Variants in RTN1 observed in about 807,000 individuals in gnomAD.
The protein encoded by RTN1 is reticulon 1, also known as reticulon-1.
RTN1 carries 25 observed loss-of-function variants against 65.5 expected under a neutral mutation model. That is an observed-to-expected ratio of 0.38 (90% CI 0.28 to 0.53). The LOEUF (loss-of-function observed/expected upper bound fraction) is 0.53, where lower values mean the gene tolerates loss of function less well. RTN1 is among the 20% of genes least tolerant of loss of function. The pLI, the probability that RTN1 is intolerant of heterozygous loss-of-function variation, is 0.79. For missense variants in RTN1, 983 were observed against 1,025.4 expected, an observed-to-expected ratio of 0.96 and a Z score of 0.57; for synonymous variants, 471 against 447.6, an observed-to-expected ratio of 1.05 and a Z score of -0.66.
chr14:59,821,938 T>C (rs1351926107), intron 1 of RTN1, among the ~76,000 whole-genome samples: 2 of 152,162 alleles, frequency 1.3e-5, no homozygotes, highest in African/African-American at 4.8e-5. Flanking sequence ...AGGATTTTTG[T>C]GTCTATGTTC....
At chr14:59,679,148 A>G (rs1883691131) in intron 3 of RTN1, among the ~76,000 whole-genome samples, 1 of 152,188 alleles carries the variant, frequency 6.6e-6, no homozygotes, top group South Asian at 2.1e-4. Flanking sequence ...CTAACTTGAC[A>G]TTTTGTATTG....
At chr14:59,835,557 T>G (rs1046668169) in intron 1 of RTN1, among the ~76,000 whole-genome samples, 1 of 152,208 alleles carries the variant, frequency 6.6e-6, no homozygotes, top group South Asian at 2.1e-4. Flanking sequence ...CAGGCACTGT[T>G]GTAGGCACTA....
At chr14:59,604,789 C>T (rs915629867) in intron 5 of RTN1, 1 of 152,234 alleles carries the variant, frequency 6.6e-6, no homozygotes, top group African/African-American at 2.4e-5. Context: ...TTTGATTCCA[C>T]GTGTAAGTCA....
At chr14:59,630,778 C>G (rs1042602355) in intron 3 of RTN1, 2 of 1,060,836 alleles carry the variant, frequency 1.9e-6, no homozygotes, top group Non-Finnish European at 2.3e-6. Context: ...GCTGGGCTGC[C>G]CAAGGGTGCT....
At chr14:59,672,798 G>A (rs544379035) in intron 3 of RTN1, among the ~76,000 whole-genome samples, 12 of 149,828 alleles carry the variant, frequency 8.0e-5, no homozygotes, top group Non-Finnish European at 1.6e-4. Context: ...CCGCCACCGC[G>A]CCTGGCTAAT....
chr14:59,756,069 C>T (rs954878976), intron 1 of RTN1, among the ~76,000 whole-genome samples: 26 of 152,158 alleles, frequency 1.7e-4, no homozygotes, highest in African/African-American at 5.5e-4. Context: ...GCAAAAAATT[C>T]TCTTAAAGGA....
chr14:59,711,220 C>T (rs541194194), intron 3 of RTN1, among the ~76,000 whole-genome samples: 29 of 152,254 alleles, frequency 1.9e-4, no homozygotes, highest in Non-Finnish European at 3.5e-4. Context: ...TGTGCAAATT[C>T]GATAGGCTCA....
intron 1 of RTN1, among the ~76,000 whole-genome samples, chr14:59,750,238 ATT>A (rs1400480513): frequency 1.7e-5 from 1 of 58,862 alleles, no homozygotes; most frequent in African/African-American, 7.9e-5. Flanking sequence ...TAATATATAT[ATT>A]ATATCTATAA....
At chr14:59,680,573 C>G (rs1282318871) in intron 3 of RTN1, among the ~76,000 whole-genome samples, 1 of 152,166 alleles carries the variant, frequency 6.6e-6, no homozygotes, top group African/African-American at 2.4e-5. Flanking sequence ...TTTAGTGTGT[C>G]CAGGCATTGC....
chr14:59,736,846 C>T (rs1885011292), intron 2 of RTN1, among the ~76,000 whole-genome samples: 1 of 150,410 alleles, frequency 6.6e-6, no homozygotes, highest in African/African-American at 2.4e-5. Context: ...AGTAGGTTTA[C>T]AACTTTGGTT....
At chr14:59,833,718 T>C (rs1404628213) in intron 1 of RTN1, among the ~76,000 whole-genome samples, 2 of 152,122 alleles carry the variant, frequency 1.3e-5, no homozygotes, top group Admixed American at 6.6e-5. Context: ...CTGGTGTCTA[T>C]TGTTCCCTTC....
intron 1 of RTN1, among the ~76,000 whole-genome samples, chr14:59,869,944 G>C (rs893823834): frequency 6.6e-6 from 1 of 152,048 alleles, no homozygotes. Context: ...CAGGGGCCGC[G>C]GGCCTGCCCG....
chr14:59,649,689 A>C (rs1352995093), intron 3 of RTN1, among the ~76,000 whole-genome samples: 1 of 152,226 alleles, frequency 6.6e-6, no homozygotes, highest in Non-Finnish European at 1.5e-5. Flanking sequence ...GCAAATCAAA[A>C]CCACAGTGAG....
chr14:59,603,152 A>C (rs1459920772), intron 7 of RTN1, 29 bp from the exon 8 acceptor site: 1 of 1,611,718 alleles, frequency 6.2e-7, no homozygotes, highest in Admixed American at 1.7e-5. Flanking sequence ...AATAATGAGC[A>C]TATCCAAAGA....
intron 3 of RTN1, among the ~76,000 whole-genome samples, chr14:59,617,498 G>A (rs8019807): frequency 0.19 from 28,310 of 152,112 alleles, 3,224 homozygotes; most frequent in African/African-American, 0.32. Flanking sequence ...AGTACAGTAA[G>A]AGTAAAATTC....
intron 3 of RTN1, among the ~76,000 whole-genome samples, chr14:59,664,271 A>G (rs1365767065): frequency 6.6e-6 from 1 of 152,128 alleles, no homozygotes; most frequent in Non-Finnish European, 1.5e-5. Flanking sequence ...GAACGATGAG[A>G]ACACATGGAC....
intron 3 of RTN1, among the ~76,000 whole-genome samples, chr14:59,698,760 A>T (rs1218358627): frequency 6.6e-6 from 1 of 152,192 alleles, no homozygotes; most frequent in Non-Finnish European, 1.5e-5. Flanking sequence ...AGCAGCGCAA[A>T]AATGGACTAA....
chr14:59,631,098 C>T (rs1437285608), intron 3 of RTN1, among the ~76,000 whole-genome samples: 2 of 152,180 alleles, frequency 1.3e-5, no homozygotes, highest in African/African-American at 2.4e-5. Context: ...AATCTGAACT[C>T]GATGAATTTT....
Position 59,727,571 on chromosome 14 carries a change from G to A in RTN1, c.1113C>T (p.Ala371=), listed in dbSNP as rs769910287. The stretch of plus-strand genomic sequence containing the variant: ...GCTGGCCCACCGGCCGTGGGTTCTC[G>A]GCGGTTTCATACGATAATCCCTTTG... ...KEAKGLSYET[A]ENPRPVGQLA... Residue 371 remains alanine, a synonymous_variant, in exon 3 of 9, where the codon GCC becomes GCT. Coordinates refer to ENST00000267484, the MANE Select transcript of RTN1 (RefSeq NM_021136.3). The surrounding 1 kb of genome is among the most constrained non-coding windows in gnomAD (Gnocchi z 4.2). 10 of 1,612,084 alleles carry A rather than the reference G, an allele frequency of 6.2e-6. No homozygotes were observed. The South Asian group carries it at 7.7e-5, about 12-fold the overall frequency.
Sources: gnomAD v4.1 joint callset for allele counts (sites outside exome capture counted in the v4.1 genomes callset) on GRCh38, gnomAD v4.1.1 for gene constraint, Gnocchi (gnomAD v3.1) non-coding constraint, MANE v1.5 for transcripts, NCBI Gene and HGNC (gene_info 2026-07-23, HGNC 2026-07-21) for gene names.